The following ARMC2 variants were observed in gnomAD, a reference collection of about 807,000 sequenced individuals.
ARMC2 encodes the protein armadillo repeat containing 2.
Under a neutral mutation model 90.3 loss-of-function variants are expected in ARMC2, and 67 were observed. The observed-to-expected ratio is 0.74, with a 90% CI of 0.61 to 0.91. The LOEUF is 0.91. Ranked by LOEUF, ARMC2 falls within the 40% of genes least tolerant of loss-of-function variation. ARMC2 has a pLI of 0.00. For synonymous variants in ARMC2, 393 were observed against 393.0 expected (o/e 1.00, Z 0.00); for missense variants, 920 against 1,030.9 (o/e 0.89, Z 1.47).
At chr6:108,857,261 C>T (rs1393203935) in intron 2 of ARMC2, among the ~76,000 whole-genome samples, 2 of 152,116 alleles carry the variant, frequency 1.3e-5, no homozygotes, top group African/African-American at 2.4e-5. Flanking sequence ...TTATAGCTTT[C>T]CTCATCTAGA....
At chr6:108,901,991 T>G (rs1772210221) in intron 7 of ARMC2, among the ~76,000 whole-genome samples, 1 of 152,238 alleles carries the variant, frequency 6.6e-6, no homozygotes, top group African/African-American at 2.4e-5. Flanking sequence ...GCAGAGCACA[T>G]GAGTGCTGCT....
intron 8 of ARMC2, among the ~76,000 whole-genome samples, chr6:108,908,339 T>C (rs1429075293): frequency 6.6e-6 from 1 of 152,146 alleles, no homozygotes; most frequent in Non-Finnish European, 1.5e-5. Flanking sequence ...CCCAGGCCCC[T>C]CCAGCTGGGG....
the ARMC2 span, among the ~76,000 whole-genome samples, chr6:109,015,062 G>T: frequency 2.2e-4 from 34 of 152,220 alleles, no homozygotes; most frequent in African/African-American, 7.2e-4. Flanking sequence ...CTGAAGAGAT[G>T]TTTCCATTAA....
Position 108,904,250 on chromosome 6 carries a change from T to C in ARMC2, c.868T>C (p.Cys290Arg). ...LEKEENIETV[C>R]AACTQLHHAL... ...GACAGAAGAAAACATTGAAACGGTT[T>C]GTGCTGCTTGCACACAACTTCATCA... Residue 290 changes from cysteine (C) to arginine (R), a missense_variant, in exon 8 of 18, where the codon TGT (cysteine) becomes CGT (arginine). By Grantham distance (180) the Cys-to-Arg change is radical. Transcript: ENST00000392644. 6.2e-7 allele frequency: 1 copy of C among 1,613,708 alleles called. No individual in the cohort carries two copies.
chr6:108,920,229 G>A lies in ARMC2; in HGVS notation c.1350+7671G>A, dbSNP rs368596984. Among the ~76,000 whole-genome samples the A allele has an allele frequency of 2.6e-4, 40 of 152,050 alleles. No homozygotes were observed. The East Asian group carries it at 5.4e-3, about 21-fold the overall frequency. On this transcript the variant is annotated intron_variant, in intron 10 of 17. Coordinates refer to ENST00000392644, the MANE Select transcript of ARMC2 (RefSeq NM_032131.6). ...TTTAGAGATGGAGTCTTGCTCTGTC[G>A]CCCAGGCCAGAGTGCAGTGGCATGA...
the ARMC2 span, among the ~76,000 whole-genome samples, chr6:108,996,794 T>C: frequency 6.6e-6 from 1 of 152,138 alleles, no homozygotes; most frequent in Non-Finnish European, 1.5e-5. Context: ...ACCAATGTGT[T>C]CTTCAGTAGC....
At chr6:108,882,189 C>A (rs937738385) in intron 5 of ARMC2, among the ~76,000 whole-genome samples, 16 of 151,210 alleles carry the variant, frequency 1.1e-4, no homozygotes, top group African/African-American at 3.9e-4. Flanking sequence ...GTAATCCCAA[C>A]ACTTTGGGAG....
Position 108,920,260 on chromosome 6 carries a change from G to A in ARMC2, c.1350+7702G>A, listed in dbSNP as rs191325948. On this transcript the variant is annotated intron_variant, in intron 10 of 17. Transcript: ENST00000392644. ...GCCAGAGTGCAGTGGCATGATCTCA[G>A]CTCACTGCAACCTCCACCTCCCGGG... 4.0e-3 allele frequency among the ~76,000 whole-genome samples: 615 copies of A among 152,258 alleles called. 2 individuals carry two copies. The highest frequency in any genetic ancestry group is 0.014 in the African/African-American group (576 of 41,548).
At chr6:108,901,550 G>C (rs919459562) in intron 7 of ARMC2, among the ~76,000 whole-genome samples, 1 of 151,756 alleles carries the variant, frequency 6.6e-6, no homozygotes, top group Non-Finnish European at 1.5e-5. Context: ...TCAGTGGCTG[G>C]GATGACAGGT....
At chr6:109,026,353 T>C in the ARMC2 span, among the ~76,000 whole-genome samples, 1 of 152,298 alleles carries the variant, frequency 6.6e-6, no homozygotes, top group African/African-American at 2.4e-5. Flanking sequence ...AAAAGTTCTT[T>C]GTATTTAAGA....
chr6:109,009,526 G>A, the ARMC2 span: 1 of 1,180,622 alleles, frequency 8.5e-7, no homozygotes, highest in Non-Finnish European at 1.0e-6. Context: ...CGCGGCTCCT[G>A]GCTGCAGCGC....
chr6:109,052,939 C>T, the ARMC2 span, among the ~76,000 whole-genome samples: 2 of 152,076 alleles, frequency 1.3e-5, no homozygotes, highest in African/African-American at 2.4e-5. Flanking sequence ...GGGAGACAGA[C>T]ATTAATCAAA....
In ARMC2 at chr6:108,893,929, G is replaced by T. The variant is rs114618013; in HGVS notation, c.672-538G>T. Among the ~76,000 whole-genome samples the T allele has an allele frequency of 4.1e-3, 618 of 152,284 alleles. 2 individuals carry two copies. The highest frequency in any genetic ancestry group is 0.014 in the African/African-American group (579 of 41,570). ...GCTACTGGGGAGGCTCAGGCAGGTT[G>T]CAGTGAGCTGAGATCGCACCACTGC... On this transcript the variant is annotated intron_variant, in intron 5 of 17. Coordinates refer to ENST00000392644, the MANE Select transcript of ARMC2 (RefSeq NM_032131.6).
At chr6:108,860,841 T>A (rs1331466580) in intron 3 of ARMC2, among the ~76,000 whole-genome samples, 1 of 152,170 alleles carries the variant, frequency 6.6e-6, no homozygotes, top group African/African-American at 2.4e-5. Context: ...TAAAGAAGTA[T>A]CTTCCACGCT....
chr6:109,022,026 T>A, the ARMC2 span, among the ~76,000 whole-genome samples: 14 of 152,132 alleles, frequency 9.2e-5, no homozygotes, highest in Non-Finnish European at 1.6e-4. Context: ...CAGTGTTAAT[T>A]AAGCACCTAC....
chr6:108,948,040 C>T (rs770190882), intron 12 of ARMC2, among the ~76,000 whole-genome samples: 112 of 152,262 alleles, frequency 7.4e-4, no homozygotes, highest in Middle Eastern at 3.4e-3. Context: ...AATCCTTTTC[C>T]GCTGTGGAAT....
At chr6:108,954,468 C>T (rs78453925) in intron 13 of ARMC2, among the ~76,000 whole-genome samples, 2,242 of 152,134 alleles carry the variant, frequency 0.015, 61 homozygotes, top group African/African-American at 0.052. Context: ...TACTAAAATA[C>T]GAAAATTAGC....
At chr6:108,874,761 C>T (rs752717667) in intron 4 of ARMC2, among the ~76,000 whole-genome samples, 10 of 151,990 alleles carry the variant, frequency 6.6e-5, no homozygotes, top group Non-Finnish European at 1.2e-4. Context: ...TGTGTTCTTC[C>T]CACCCTGTGG....
the ARMC2 span, among the ~76,000 whole-genome samples, chr6:109,037,893 A>G: frequency 1.3e-5 from 2 of 151,768 alleles, no homozygotes; most frequent in Non-Finnish European, 2.9e-5. Context: ...TTGATGTTCA[A>G]CGATGCCTAT....
Sources: allele counts gnomAD v4.1 joint callset (sites outside exome capture counted in the v4.1 genomes callset), GRCh38; gene constraint gnomAD v4.1.1; transcripts MANE v1.5; gene names NCBI Gene and HGNC (gene_info 2026-07-23, HGNC 2026-07-21).